Variants in LRP1B observed in about 807,000 individuals in gnomAD.
LRP1B encodes LDL receptor related protein 1B, also known as low-density lipoprotein receptor-related protein 1B.
A neutral mutation model predicts 556.6 loss-of-function variants in LRP1B; 217 were observed. That is an observed-to-expected ratio of 0.39 (90% CI 0.35 to 0.44). LRP1B has a LOEUF of 0.44. Ranked by LOEUF, LRP1B falls within the 20% of genes least tolerant of loss-of-function variation. LRP1B has a pLI of 1.00. For missense variants in LRP1B, 5,053 were observed against 5,620.8 expected (o/e 0.90, Z 3.23); for synonymous variants, 2,047 against 1,865.8 (o/e 1.10, Z -2.50).
chr2:140,463,233 G>A (rs1302432652), intron 60 of LRP1B, among the ~76,000 whole-genome samples: 1 of 152,068 alleles, frequency 6.6e-6, no homozygotes, highest in African/African-American at 2.4e-5. Flanking sequence ...AGAGTGGGTG[G>A]GTGGGAAAAT....
intron 3 of LRP1B, among the ~76,000 whole-genome samples, chr2:141,258,314 T>A (rs995917339): frequency 1.3e-5 from 2 of 152,018 alleles, no homozygotes; most frequent in Non-Finnish European, 2.9e-5. Flanking sequence ...TGAATCCCCA[T>A]CTCTACTAAA....
intron 3 of LRP1B, among the ~76,000 whole-genome samples, chr2:141,432,131 T>C (rs1680583049): frequency 6.6e-6 from 1 of 152,124 alleles, no homozygotes; most frequent in Non-Finnish European, 1.5e-5. Context: ...AAAGTTCTCT[T>C]TCACTCCAAG....
At chr2:141,283,960 T>A (rs893838769) in intron 3 of LRP1B, among the ~76,000 whole-genome samples, 2 of 152,186 alleles carry the variant, frequency 1.3e-5, no homozygotes, top group Admixed American at 1.3e-4. Flanking sequence ...TACTTTTTCT[T>A]GGAAGAGTAG....
chr2:140,289,645 G>A (rs1490926200), intron 84 of LRP1B, among the ~76,000 whole-genome samples: 2 of 150,496 alleles, frequency 1.3e-5, no homozygotes, highest in East Asian at 1.9e-4. Flanking sequence ...ACAAAAATCT[G>A]TTTGAAAAGT....
At chr2:141,155,313 A>G (rs898922845) in intron 7 of LRP1B, among the ~76,000 whole-genome samples, 4 of 151,858 alleles carry the variant, frequency 2.6e-5, no homozygotes, top group African/African-American at 9.7e-5. Context: ...TAAATAATTC[A>G]CACAATAATG....
chr2:140,738,468 C>T (rs897273675), intron 35 of LRP1B, among the ~76,000 whole-genome samples: 3 of 152,028 alleles, frequency 2.0e-5, no homozygotes, highest in South Asian at 2.1e-4. Context: ...ATGGGGAGAG[C>T]GTAACTAACT....
intron 5 of LRP1B, among the ~76,000 whole-genome samples, chr2:141,233,785 CT>C (rs1177471998): frequency 3.9e-5 from 6 of 151,960 alleles, no homozygotes; most frequent in African/African-American, 1.4e-4. Context: ...ATTAATTTGG[CT>C]AGTTTCCTTC....
intron 17 of LRP1B, among the ~76,000 whole-genome samples, chr2:140,987,519 G>A (rs752164466): frequency 3.9e-5 from 6 of 152,048 alleles, no homozygotes; most frequent in Non-Finnish European, 7.4e-5. Context: ...AATCACAAAT[G>A]CTTCTTTAAA....
intron 79 of LRP1B, among the ~76,000 whole-genome samples, chr2:140,331,652 G>A (rs1680818694): frequency 6.8e-6 from 1 of 147,206 alleles, no homozygotes; most frequent in Non-Finnish European, 1.5e-5. Context: ...TCATATATCT[G>A]GCATTTTTAA....
chr2:141,058,857 G>A (rs1209213176), intron 9 of LRP1B, 26 bp downstream of exon 9: 1 of 1,547,380 alleles, frequency 6.5e-7, no homozygotes, highest in Non-Finnish European at 8.7e-7. Flanking sequence ...CCATTAGGAA[G>A]GTAATAAAGA....
chr2:140,944,957 G>A, intron 20 of LRP1B, among the ~76,000 whole-genome samples: 1 of 152,056 alleles, frequency 6.6e-6, no homozygotes, highest in Non-Finnish European at 1.5e-5. Flanking sequence ...AATAGGAAAT[G>A]AAACAGTCAA....
At chr2:141,713,416 T>C (rs1026778250) in intron 2 of LRP1B, among the ~76,000 whole-genome samples, 3 of 152,196 alleles carry the variant, frequency 2.0e-5, no homozygotes, top group African/African-American at 7.2e-5. Context: ...TTTATCCAAA[T>C]GAACACTCCT....
At chr2:141,740,522 T>A (rs774467946) in intron 2 of LRP1B, among the ~76,000 whole-genome samples, 2 of 152,206 alleles carry the variant, frequency 1.3e-5, no homozygotes, top group African/African-American at 2.4e-5. Context: ...AGGCATGCAA[T>A]GTGTAATAAT....
chr2:141,477,247 C>T (rs1389607385), intron 3 of LRP1B, among the ~76,000 whole-genome samples: 5 of 135,050 alleles, frequency 3.7e-5, no homozygotes, highest in African/African-American at 1.4e-4. Flanking sequence ...GCTTAGAATG[C>T]AACAAAAAGG....
intron 43 of LRP1B, among the ~76,000 whole-genome samples, chr2:140,563,197 CACAA>C (rs1680997531): frequency 6.6e-6 from 1 of 152,052 alleles, no homozygotes; most frequent in South Asian, 2.1e-4. Flanking sequence ...CACCCACACA[CACAA>C]ACACACACAC....
At chr2:141,224,857 T>C (rs1263496613) in intron 6 of LRP1B, among the ~76,000 whole-genome samples, 1 of 151,992 alleles carries the variant, frequency 6.6e-6, no homozygotes, top group Non-Finnish European at 1.5e-5. Flanking sequence ...GAGACATAGT[T>C]AATGAATGTT....
chr2:141,151,628 G>A (rs1701927938), intron 7 of LRP1B, among the ~76,000 whole-genome samples: 1 of 152,034 alleles, frequency 6.6e-6, no homozygotes, highest in Non-Finnish European at 1.5e-5. Context: ...TTTCAGTTCT[G>A]TGATTCAATC....
intron 4 of LRP1B, among the ~76,000 whole-genome samples, chr2:141,248,223 GTAGT>G (rs1295295263): frequency 6.6e-6 from 1 of 152,156 alleles, no homozygotes; most frequent in Non-Finnish European, 1.5e-5. Context: ...CATCCTGTCA[GTAGT>G]TAGTTATTTA....
At chr2:141,651,521 A>G (rs1166900327) in intron 2 of LRP1B, among the ~76,000 whole-genome samples, 1 of 152,104 alleles carries the variant, frequency 6.6e-6, no homozygotes, top group African/African-American at 2.4e-5. Flanking sequence ...AAAATTGGCC[A>G]GGTGTTGGTG....
Sources: allele counts gnomAD v4.1 joint callset (sites outside exome capture counted in the v4.1 genomes callset), GRCh38; gene constraint gnomAD v4.1.1; transcripts MANE v1.5; gene names NCBI Gene and HGNC (gene_info 2026-07-23, HGNC 2026-07-21).